The following NRG3 variants were observed in gnomAD, a reference collection of about 807,000 sequenced individuals.
NRG3 encodes neuregulin 3.
A neutral mutation model predicts 66.9 loss-of-function variants in NRG3; 31 were observed. That is an observed-to-expected ratio of 0.46 (90% CI 0.35 to 0.63). NRG3 has a LOEUF of 0.63. Among genes scored for constraint, NRG3 ranks in the 20% least tolerant of loss-of-function variants. NRG3 has a pLI of 0.00. For synonymous variants in NRG3, 393 were observed against 359.4 expected, an observed-to-expected ratio of 1.09 and a Z score of -1.06; for missense variants, 910 against 878.9, an observed-to-expected ratio of 1.04 and a Z score of -0.45.
intron 2 of NRG3, among the ~76,000 whole-genome samples, chr10:82,559,759 C>G (rs1339648712): frequency 6.6e-6 from 1 of 152,120 alleles, no homozygotes; most frequent in Admixed American, 6.6e-5. Flanking sequence ...TGTCACTAAA[C>G]AGTATCAATG....
rs1445670746 is a variant in NRG3 at position 82,885,337 on chromosome 10, A to G, written c.1054+19900A>G. ...AAAGCTGGAGTTTTCTCTGAAGACTACAGTGTGCCTGCTGGGTCACAGTGA... is the reference window on the plus strand; with the variant it reads ...AAAGCTGGAGTTTTCTCTGAAGACTGCAGTGTGCCTGCTGGGTCACAGTGA... On this transcript the variant is annotated intron_variant, in intron 4 of 8. Transcript: ENST00000372141. 3.9e-5 allele frequency among the ~76,000 whole-genome samples: 6 copies of G among 152,284 alleles called. No individual in the cohort carries two copies. In the East Asian group the frequency reaches 9.7e-4, roughly 25 times the overall value.
chr10:81,883,927 T>C (rs2132498434), intron 1 of NRG3, among the ~76,000 whole-genome samples: 1 of 152,338 alleles, frequency 6.6e-6, no homozygotes, highest in South Asian at 2.1e-4. Flanking sequence ...AAACGACAGC[T>C]GCCATATGTG....
At chr10:82,044,063 A>G (rs1269910330) in intron 1 of NRG3, among the ~76,000 whole-genome samples, 1 of 152,082 alleles carries the variant, frequency 6.6e-6, no homozygotes, top group Non-Finnish European at 1.5e-5. Flanking sequence ...TAATCCAGGA[A>G]TGAAGGTTTG....
chr10:81,900,091 C>T (rs779524393), intron 1 of NRG3, among the ~76,000 whole-genome samples: 17 of 151,958 alleles, frequency 1.1e-4, no homozygotes, highest in Non-Finnish European at 2.4e-4. Context: ...GGATTGCAGG[C>T]GCCTGCCACC....
chr10:82,664,647 A>AG (rs1468320330), intron 2 of NRG3, among the ~76,000 whole-genome samples: 2 of 152,062 alleles, frequency 1.3e-5, no homozygotes, highest in African/African-American at 4.8e-5. Context: ...GAGGGTCTTC[A>AG]GGGGGGTCCA....
At chr10:82,148,930 AT>A (rs1407842585) in intron 1 of NRG3, among the ~76,000 whole-genome samples, 1 of 152,044 alleles carries the variant, frequency 6.6e-6, no homozygotes, top group Non-Finnish European at 1.5e-5. Flanking sequence ...AACTGGCAAT[AT>A]AAATGAGTGA....
intron 1 of NRG3, among the ~76,000 whole-genome samples, chr10:82,134,447 G>A (rs2069170761): frequency 6.6e-6 from 1 of 152,066 alleles, no homozygotes; most frequent in Admixed American, 6.6e-5. Flanking sequence ...ATCGTATAAG[G>A]AAAGGGTCCA....
At chr10:82,575,119 T>G (rs188607874) in intron 2 of NRG3, among the ~76,000 whole-genome samples, 158 of 151,876 alleles carry the variant, frequency 1.0e-3, no homozygotes, top group African/African-American at 3.7e-3. Flanking sequence ...CATATGTTAA[T>G]TAGCTCCACT....
At chr10:82,362,330 T>TAC in intron 2 of NRG3, among the ~76,000 whole-genome samples, 1 of 125,362 alleles carries the variant, frequency 8.0e-6, no homozygotes, top group Admixed American at 8.0e-5. Context: ...TGTGTATATA[T>TAC]ATATGTGTGT....
At chr10:82,982,560 T>C (rs539449225) in intron 8 of NRG3, among the ~76,000 whole-genome samples, 15 of 152,232 alleles carry the variant, frequency 9.9e-5, no homozygotes, top group African/African-American at 3.4e-4. Flanking sequence ...ACATCATGTC[T>C]GGGGGGAAGT....
chr10:82,538,550 G>A (rs2043317819), intron 2 of NRG3, among the ~76,000 whole-genome samples: 1 of 152,046 alleles, frequency 6.6e-6, no homozygotes, highest in Non-Finnish European at 1.5e-5. Context: ...TTTTGTGTGT[G>A]TAGGAGTACT....
At chr10:82,352,929 A>C (rs1318401042) in intron 1 of NRG3, among the ~76,000 whole-genome samples, 1 of 147,894 alleles carries the variant, frequency 6.8e-6, no homozygotes, top group Non-Finnish European at 1.5e-5. Context: ...ATTTTATTGT[A>C]AATAATTCAT....
chr10:82,664,548 A>G (rs1039752627), intron 2 of NRG3, among the ~76,000 whole-genome samples: 5 of 152,208 alleles, frequency 3.3e-5, no homozygotes, highest in Admixed American at 3.3e-4. Flanking sequence ...CAAGCTATTT[A>G]AAGTTATCAT....
chr10:82,508,908 G>T (rs1234956682), intron 2 of NRG3, among the ~76,000 whole-genome samples: 4 of 152,094 alleles, frequency 2.6e-5, no homozygotes, highest in Non-Finnish European at 4.4e-5. Flanking sequence ...TTTATCAGGG[G>T]TTCCATTTTT....
intron 1 of NRG3, among the ~76,000 whole-genome samples, chr10:82,173,674 A>AACACACACAC (rs3037392): frequency 0.4 from 57,815 of 146,262 alleles, 12,833 homozygotes; most frequent in Middle Eastern, 0.56. Flanking sequence ...TGCATATGTG[A>AACACACACAC]ACACACACAC....
At chr10:81,993,560 T>C (rs2060822621) in intron 1 of NRG3, among the ~76,000 whole-genome samples, 1 of 152,102 alleles carries the variant, frequency 6.6e-6, no homozygotes, top group Non-Finnish European at 1.5e-5. Context: ...TTGCTCAGCT[T>C]GGCCTTGAAC....
At chr10:82,239,812 GT>G (rs1215456759) in intron 1 of NRG3, among the ~76,000 whole-genome samples, 3 of 151,892 alleles carry the variant, frequency 2.0e-5, no homozygotes, top group Non-Finnish European at 4.4e-5. Flanking sequence ...CTTAGTTCCA[GT>G]TTTATTTTGA....
chr10:82,144,424 A>C (rs565282517), intron 1 of NRG3, among the ~76,000 whole-genome samples: 1 of 152,302 alleles, frequency 6.6e-6, no homozygotes, highest in South Asian at 2.1e-4. Context: ...GTATTATCAT[A>C]GGCAACACCA....
At chr10:82,323,075 A>G (rs565487907) in intron 1 of NRG3, among the ~76,000 whole-genome samples, 2 of 152,284 alleles carry the variant, frequency 1.3e-5, no homozygotes, top group African/African-American at 4.8e-5. Flanking sequence ...TAAAATAGGA[A>G]TTACTGTGGG....
Sources: allele counts gnomAD v4.1 joint callset (sites outside exome capture counted in the v4.1 genomes callset), GRCh38; gene constraint gnomAD v4.1.1; transcripts MANE v1.5; gene names NCBI Gene and HGNC (gene_info 2026-07-23, HGNC 2026-07-21).